The following TIPIN variants were observed in gnomAD, a reference collection of about 807,000 sequenced individuals.
TIPIN encodes TIMELESS-interacting protein.
A neutral mutation model predicts 35.6 loss-of-function variants in TIPIN; 29 were observed. The ratio of observed to expected loss-of-function variants is 0.82; its 90% CI spans 0.61 to 1.11. The LOEUF (loss-of-function observed/expected upper bound fraction) is 1.11. Among genes scored for constraint, TIPIN ranks in the 50% most tolerant of loss-of-function variants. The pLI is 0.00. For missense variants in TIPIN, 296 were observed against 345.4 expected (o/e 0.86, Z 1.13); for synonymous variants, 102 against 121.5 (o/e 0.84, Z 1.06).
At chr15:66,355,027 C>CTTTTTT (rs747834289) in intron 1 of TIPIN, among the ~76,000 whole-genome samples, 7 of 112,736 alleles carry the variant, frequency 6.2e-5, no homozygotes, top group Non-Finnish European at 1.1e-4. Context: ...CAATATATAT[C>CTTTTTT]TTTTTTTTTT....
upstream of TIPIN, chr15:66,356,802 C>T: frequency 1.1e-6 from 1 of 903,388 alleles, no homozygotes; most frequent in African/African-American, 1.8e-5. Context: ...TCAGGTTCCG[C>T]CCAGCACGCC....
intron 6 of TIPIN, among the ~76,000 whole-genome samples, chr15:66,346,819 A>C (rs1386963049): frequency 6.6e-6 from 1 of 151,298 alleles, no homozygotes; most frequent in Non-Finnish European, 1.5e-5. Flanking sequence ...TTTGAGACGG[A>C]GTCTTGCTGT....
chr15:66,371,009 G>C (rs775891974), intron 1 of TIPIN, among the ~76,000 whole-genome samples: 4 of 152,090 alleles, frequency 2.6e-5, no homozygotes, highest in Admixed American at 6.6e-5. Flanking sequence ...CCAGGAGTTC[G>C]AGACCAGCCT....
At chr15:66,380,633 G>A (rs2093315494) in intron 1 of TIPIN, among the ~76,000 whole-genome samples, 1 of 152,018 alleles carries the variant, frequency 6.6e-6, no homozygotes, top group Non-Finnish European at 1.5e-5. Context: ...TGACCAACAT[G>A]GTGAAACCCC....
intron 1 of TIPIN, among the ~76,000 whole-genome samples, chr15:66,382,142 A>G (rs12917380): frequency 0.056 from 8,583 of 152,254 alleles, 347 homozygotes; most frequent in Middle Eastern, 0.11. Context: ...TAGCTCCTGT[A>G]TGTTAGGCAC....
At chr15:66,373,671 A>C (rs1296835104) in intron 1 of TIPIN, among the ~76,000 whole-genome samples, 1 of 151,906 alleles carries the variant, frequency 6.6e-6, no homozygotes, top group African/African-American at 2.4e-5. Flanking sequence ...TCAACATTTG[A>C]TATTGTCTTT....
intron 1 of TIPIN, among the ~76,000 whole-genome samples, chr15:66,369,770 G>C (rs937442815): frequency 6.6e-6 from 1 of 152,154 alleles, no homozygotes; most frequent in Admixed American, 6.6e-5. Flanking sequence ...CTGAGCAAGA[G>C]GGAATTATAA....
intron 6 of TIPIN, chr15:66,347,190 TA>T (rs1566973831): frequency 2.0e-6 from 1 of 498,840 alleles, no homozygotes; most frequent in East Asian, 5.6e-5. Flanking sequence ...TGTTAAAAGT[TA>T]AAAAACAAAA....
intron 1 of TIPIN, among the ~76,000 whole-genome samples, chr15:66,367,187 A>AATCTACATCTATATCTATATCTAT (rs2093258316): frequency 1.5e-5 from 2 of 130,854 alleles, no homozygotes; most frequent in Non-Finnish European, 3.4e-5. Flanking sequence ...CTCAAAAAAA[A>AATCTACATCTATATCTATATCTAT]ATCTATATCT....
chr15:66,379,292 G>A, intron 1 of TIPIN: 1 of 1,553,276 alleles, frequency 6.4e-7, no homozygotes, highest in Non-Finnish European at 8.7e-7. Flanking sequence ...TAGGTCTTAG[G>A]AGTCATCTGG....
intron 1 of TIPIN, among the ~76,000 whole-genome samples, chr15:66,366,227 G>A (rs935381478): frequency 2.0e-5 from 3 of 148,904 alleles, no homozygotes; most frequent in Middle Eastern, 3.8e-3. Context: ...AGGCCGAGGC[G>A]GGCAGATCAT....
chr15:66,382,666 G>A (rs1278548605), intron 1 of TIPIN, among the ~76,000 whole-genome samples: 2 of 152,164 alleles, frequency 1.3e-5, no homozygotes, highest in Non-Finnish European at 2.9e-5. Context: ...TGACAGGAGT[G>A]AGCCACCACA....
At chr15:66,346,022 C>T (rs1034851501) in intron 6 of TIPIN, among the ~76,000 whole-genome samples, 11 of 151,894 alleles carry the variant, frequency 7.2e-5, no homozygotes, top group Admixed American at 1.3e-4. Flanking sequence ...TCTCGGATCA[C>T]TGCAACCTCC....
At chr15:66,349,738 G>A (rs957864470) in intron 4 of TIPIN, among the ~76,000 whole-genome samples, 2 of 152,030 alleles carry the variant, frequency 1.3e-5, no homozygotes, top group Non-Finnish European at 2.9e-5. Flanking sequence ...ACAATAGCCA[G>A]GCATGGTGGT....
intron 6 of TIPIN, chr15:66,348,290 T>TTCA (rs918166525): frequency 6.6e-6 from 1 of 151,730 alleles, no homozygotes; most frequent in Non-Finnish European, 1.5e-5. Flanking sequence ...GCTCCAAAGG[T>TTCA]AATGAGTTAT....
intron 7 of TIPIN, among the ~76,000 whole-genome samples, chr15:66,338,600 G>C (rs2093061486): frequency 2.0e-5 from 3 of 152,064 alleles, no homozygotes; most frequent in Non-Finnish European, 4.4e-5. Flanking sequence ...GGATCACGAG[G>C]TTAGGGGATC....
chr15:66,373,310 G>A (rs1046746347), intron 1 of TIPIN, among the ~76,000 whole-genome samples: 18 of 152,146 alleles, frequency 1.2e-4, no homozygotes, highest in East Asian at 5.8e-4. Context: ...TGGCTAACAC[G>A]GTGAAACACC....
chr15:66,356,763 G>T, upstream of TIPIN: 1 of 982,762 alleles, frequency 1.0e-6, no homozygotes, highest in Non-Finnish European at 1.2e-6. Context: ...CCGTGCGGGG[G>T]GCTGGGCGGA....
At chr15:66,379,622 G>C in intron 1 of TIPIN, 1 of 1,609,346 alleles carries the variant, frequency 6.2e-7, no homozygotes, top group South Asian at 1.1e-5. Flanking sequence ...TGATGGGGAA[G>C]TAAGCATACA....
Sources: allele counts gnomAD v4.1 joint callset (sites outside exome capture counted in the v4.1 genomes callset), GRCh38; gene constraint gnomAD v4.1.1; transcripts MANE v1.5; gene names NCBI Gene and HGNC (gene_info 2026-07-23, HGNC 2026-07-21).